Variants in NEGR1 observed in about 807,000 individuals in gnomAD.
NEGR1 encodes the protein neuronal growth regulator 1.
In NEGR1, 10 loss-of-function variants were observed where a neutral mutation model predicts 40.9. The ratio of observed to expected loss-of-function variants is 0.24; its 90% CI spans 0.15 to 0.42. The LOEUF (loss-of-function observed/expected upper bound fraction) is 0.42. NEGR1 is among the 10% of genes least tolerant of loss of function. NEGR1 has a pLI of 1.00. For synonymous variants in NEGR1, 185 were observed against 166.8 expected (o/e 1.11, Z -0.84); for missense variants, 352 against 438.9 (o/e 0.80, Z 1.77).
chr1:72,163,095 T>C (rs186592311), intron 1 of NEGR1, among the ~76,000 whole-genome samples: 57 of 152,284 alleles, frequency 3.7e-4, no homozygotes, highest in Admixed American at 2.2e-3. Flanking sequence ...CAGTTTTTCT[T>C]GGAAAAGGGA....
At chr1:71,845,390 G>C (rs1659371211) in intron 2 of NEGR1, among the ~76,000 whole-genome samples, 1 of 151,938 alleles carries the variant, frequency 6.6e-6, no homozygotes, top group Admixed American at 6.6e-5. Context: ...TCTTGAGATG[G>C]GTAGGAGATG....
intron 3 of NEGR1, among the ~76,000 whole-genome samples, chr1:71,737,664 G>C (rs1655082343): frequency 6.6e-6 from 1 of 152,050 alleles, no homozygotes; most frequent in African/African-American, 2.4e-5. Flanking sequence ...CCAGTGCAAA[G>C]TAACCAATAC....
At chr1:72,172,581 C>A (rs900879162) in intron 1 of NEGR1, among the ~76,000 whole-genome samples, 32 of 152,128 alleles carry the variant, frequency 2.1e-4, no homozygotes, top group African/African-American at 7.2e-4. Context: ...AAATGGTATT[C>A]TTTCCTTGTC....
chr1:72,061,405 T>C (rs1647170018), intron 1 of NEGR1, among the ~76,000 whole-genome samples: 1 of 151,802 alleles, frequency 6.6e-6, no homozygotes, highest in Non-Finnish European at 1.5e-5. Context: ...AGATATTTAA[T>C]GGGATTTTTT....
At chr1:71,545,715 G>T (rs560730223) in intron 6 of NEGR1, among the ~76,000 whole-genome samples, 2 of 151,624 alleles carry the variant, frequency 1.3e-5, no homozygotes, top group South Asian at 2.1e-4. Flanking sequence ...GGGCATTACT[G>T]GCAGCCGCCT....
intron 6 of NEGR1, among the ~76,000 whole-genome samples, chr1:71,567,876 C>G (rs1241301665): frequency 6.6e-6 from 1 of 151,816 alleles, no homozygotes; most frequent in Non-Finnish European, 1.5e-5. Context: ...ATTTTCGCAG[C>G]CTTTTTCTCA....
chr1:71,550,043 A>G (rs1330445720), intron 6 of NEGR1, among the ~76,000 whole-genome samples: 1 of 151,680 alleles, frequency 6.6e-6, no homozygotes, highest in African/African-American at 2.4e-5. Flanking sequence ...TGGTAAAAGT[A>G]AGCTATGTTA....
At chr1:71,607,349 G>C (rs941852902) in intron 5 of NEGR1, among the ~76,000 whole-genome samples, 1 of 152,166 alleles carries the variant, frequency 6.6e-6, no homozygotes, top group African/African-American at 2.4e-5. Flanking sequence ...AAATGCTTTT[G>C]CCCTTGGTAT....
intron 6 of NEGR1, among the ~76,000 whole-genome samples, chr1:71,506,919 T>G (rs557615542): frequency 6.6e-6 from 1 of 152,328 alleles, no homozygotes; most frequent in Non-Finnish European, 1.5e-5. Context: ...ACCTGTAAGT[T>G]ATGTGTTCTT....
chr1:71,450,254 G>T (rs965098906), intron 6 of NEGR1, among the ~76,000 whole-genome samples: 8 of 151,906 alleles, frequency 5.3e-5, no homozygotes, highest in Non-Finnish European at 1.2e-4. Flanking sequence ...CTCCCAAAGT[G>T]CTGGGATTAC....
intron 5 of NEGR1, among the ~76,000 whole-genome samples, chr1:71,607,762 C>T (rs573633392): frequency 5.7e-4 from 86 of 152,164 alleles, no homozygotes; most frequent in African/African-American, 2.0e-3. Context: ...GGAGCAATCT[C>T]GGCTCACTGT....
intron 3 of NEGR1, among the ~76,000 whole-genome samples, chr1:71,761,335 TTAC>T (rs765290989): frequency 4.7e-4 from 71 of 152,136 alleles, no homozygotes; most frequent in Non-Finnish European, 7.5e-4. Context: ...TAATCTTTAC[TTAC>T]AAAAAAGACA....
rs150612276 is a variant in NEGR1 at position 71,775,809 on chromosome 1, T to C, written c.535+363A>G. ...GATTCCGAGGCCAACCTGGCCAACA[T>C]GGTAAACCCCTTCTCTACTAAAAAT... On this transcript the variant is annotated intron_variant, in intron 3 of 6. Transcript: ENST00000357731. Among the ~76,000 whole-genome samples, 395 of 151,814 alleles carry C rather than the reference T, an allele frequency of 2.6e-3. 2 individuals carry two copies. The highest frequency in any genetic ancestry group is 9.2e-3 in the African/African-American group (380 of 41,440).
At chr1:72,038,277 T>G (rs1402674038) in intron 1 of NEGR1, among the ~76,000 whole-genome samples, 2 of 152,038 alleles carry the variant, frequency 1.3e-5, no homozygotes, top group Non-Finnish European at 2.9e-5. Flanking sequence ...AATGTAGTAT[T>G]TAAAACCCAG....
intron 6 of NEGR1, among the ~76,000 whole-genome samples, chr1:71,539,911 C>T (rs1273128942): frequency 2.0e-5 from 3 of 151,712 alleles, no homozygotes. Context: ...TTCAAAGTTG[C>T]TCCAATATAT....
chr1:71,911,575 A>C (rs781315796), intron 2 of NEGR1, among the ~76,000 whole-genome samples: 2 of 152,208 alleles, frequency 1.3e-5, no homozygotes, highest in Non-Finnish European at 2.9e-5. Flanking sequence ...TTTTGAGAGC[A>C]CCAATACCAG....
At chr1:71,791,541 T>A (rs1657118480) in intron 2 of NEGR1, among the ~76,000 whole-genome samples, 2 of 152,180 alleles carry the variant, frequency 1.3e-5, no homozygotes, top group Admixed American at 1.3e-4. Flanking sequence ...TACCTATATA[T>A]AAGATACATT....
At chr1:71,819,598 A>G (rs2101774249) in intron 2 of NEGR1, among the ~76,000 whole-genome samples, 1 of 152,162 alleles carries the variant, frequency 6.6e-6, no homozygotes, top group Non-Finnish European at 1.5e-5. Context: ...ATAAAGAACA[A>G]AGAGATAGAA....
chr1:72,262,282 T>G lies in NEGR1; in HGVS notation c.176+20037A>C, dbSNP rs111603182. On this transcript the variant is annotated intron_variant, in intron 1 of 6. Transcript: ENST00000357731. ...TTATGATTTCTATAAAGGGAGTGCA[T>G]TGGGAGATGAAGCTGTGCCCTGCCT... Among the ~76,000 whole-genome samples, 476 of 152,098 alleles carry G rather than the reference T, an allele frequency of 3.1e-3. 2 individuals carry two copies. Among genetic ancestry groups the G allele is most frequent in the African/African-American group, 0.011 (455 of 41,516 alleles).
Sources: gnomAD v4.1 joint callset for allele counts (sites outside exome capture counted in the v4.1 genomes callset) on GRCh38, gnomAD v4.1.1 for gene constraint, MANE v1.5 for transcripts, NCBI Gene and HGNC (gene_info 2026-07-23, HGNC 2026-07-21) for gene names.